The following DIP2B variants were observed in gnomAD, a reference collection of about 807,000 sequenced individuals.
DIP2B encodes DIP2 acetate--CoA ligase B (putative), also known as disco-interacting protein 2 homolog B.
In DIP2B, 76 loss-of-function variants were observed where a neutral mutation model predicts 198.0. The observed-to-expected ratio is 0.38, with a 90% CI of 0.32 to 0.46. The LOEUF is 0.46. Ranked by LOEUF, DIP2B falls within the 20% of genes least tolerant of loss-of-function variation. The pLI is 0.99. For missense variants in DIP2B, 1,559 were observed against 1,978.4 expected (o/e 0.79, Z 4.02); for synonymous variants, 701 against 739.1 (o/e 0.95, Z 0.84).
chr12:50,682,531 A>G (rs1158713749), intron 9 of DIP2B, among the ~76,000 whole-genome samples: 1 of 144,818 alleles, frequency 6.9e-6, no homozygotes, highest in South Asian at 2.3e-4. Context: ...CGGGAGGCTG[A>G]GGCAGGAGAA....
chr12:50,583,301 G>GTT (rs140411549), intron 1 of DIP2B, among the ~76,000 whole-genome samples: 13 of 148,108 alleles, frequency 8.8e-5, no homozygotes, highest in East Asian at 3.9e-4. Flanking sequence ...ACATCTACAC[G>GTT]TTTTTTTTTT....
intron 1 of DIP2B, among the ~76,000 whole-genome samples, chr12:50,570,556 C>T (rs1010146538): frequency 3.3e-5 from 5 of 152,034 alleles, no homozygotes; most frequent in Admixed American, 6.6e-5. Context: ...ATTAAAAATG[C>T]AAAATTAGCC....
intron 1 of DIP2B, among the ~76,000 whole-genome samples, chr12:50,591,631 T>TC (rs1177702164): frequency 6.6e-6 from 1 of 151,530 alleles, no homozygotes; most frequent in East Asian, 1.9e-4. Context: ...TTTCTTTCTT[T>TC]TTTTTTTTAA....
intron 12 of DIP2B, among the ~76,000 whole-genome samples, chr12:50,688,306 G>A (rs184145465): frequency 6.6e-6 from 1 of 152,262 alleles, no homozygotes; most frequent in Admixed American, 6.5e-5. Context: ...GGTATTATTG[G>A]ATGCCAGGAT....
At chr12:50,694,637 T>C (rs1364681892) in intron 14 of DIP2B, among the ~76,000 whole-genome samples, 6 of 145,462 alleles carry the variant, frequency 4.1e-5, no homozygotes, top group Non-Finnish European at 5.9e-5. Context: ...CTGGGCAACA[T>C]AGTGAAACCC....
At chr12:50,538,032 T>C (rs1362411588) in intron 1 of DIP2B, among the ~76,000 whole-genome samples, 1 of 152,184 alleles carries the variant, frequency 6.6e-6, no homozygotes, top group Non-Finnish European at 1.5e-5. Context: ...AGTACTTATT[T>C]ATTTTACTTT....
In DIP2B at chr12:50,736,160, A is replaced by G. The variant is rs150399306; in HGVS notation, c.4102-876A>G. Among the ~76,000 whole-genome samples, 374 of 152,278 alleles carry G rather than the reference A, an allele frequency of 2.5e-3. 1 individual carries two copies. The highest frequency in any genetic ancestry group is 8.6e-3 in the African/African-American group (359 of 41,574). On this transcript the variant is annotated intron_variant, in intron 34 of 37. Coordinates refer to ENST00000301180, the MANE Select transcript of DIP2B (RefSeq NM_173602.3). Reference sequence around the variant, plus strand: ...AACCTACTTGGTGGTGTATCACCCCATGGGGCGCTTACTCCAGTCTCACTT... The same window carrying G: ...AACCTACTTGGTGGTGTATCACCCCGTGGGGCGCTTACTCCAGTCTCACTT...
At chr12:50,713,609 G>A (rs2139576074) in intron 22 of DIP2B, among the ~76,000 whole-genome samples, 1 of 152,296 alleles carries the variant, frequency 6.6e-6, no homozygotes, top group South Asian at 2.1e-4. Flanking sequence ...GTTTTTCAGA[G>A]GAGATGCATG....
intron 1 of DIP2B, among the ~76,000 whole-genome samples, chr12:50,574,732 C>A (rs1380262104): frequency 6.6e-6 from 1 of 152,228 alleles, no homozygotes; most frequent in African/African-American, 2.4e-5. Flanking sequence ...ACTTCGTTCC[C>A]TCTTCCATGC....
chr12:50,643,405 C>CTGTGTGTGTGTGTG (rs57483938), intron 3 of DIP2B, among the ~76,000 whole-genome samples: 48 of 131,186 alleles, frequency 3.7e-4, no homozygotes, highest in Non-Finnish European at 6.3e-4. Flanking sequence ...GGGAGTTTTT[C>CTGTGTGTGTGTGTG]TGTGTGTGTG....
At chr12:50,611,136 TAAAG>T (rs1481415485) in intron 1 of DIP2B, among the ~76,000 whole-genome samples, 1 of 151,766 alleles carries the variant, frequency 6.6e-6, no homozygotes, top group African/African-American at 2.4e-5. Context: ...ACACACAAAT[TAAAG>T]AGAGAAAGGA....
intron 17 of DIP2B, 114 bp downstream of exon 17, chr12:50,697,289 C>T (rs1939329961): frequency 2.2e-6 from 2 of 908,134 alleles, no homozygotes; most frequent in East Asian, 2.9e-5. Flanking sequence ...CAGTTTCAAG[C>T]ATCTCATTTT....
chr12:50,682,287 T>C (rs1442445498), intron 9 of DIP2B, among the ~76,000 whole-genome samples: 1 of 152,164 alleles, frequency 6.6e-6, no homozygotes, highest in Admixed American at 6.5e-5. Flanking sequence ...CTAGAACATT[T>C]GCATTGTTGG....
rs540568578 is a variant in DIP2B at position 50,524,275 on chromosome 12, C to G, written c.100+19035C>G. ...CCTGGTGGTGTCCCAGCTTTCTTCTCTCTAACCCATTTTCCACATAGCAGG... is the reference window on the plus strand; with the variant it reads ...CCTGGTGGTGTCCCAGCTTTCTTCTGTCTAACCCATTTTCCACATAGCAGG... On this transcript the variant is annotated intron_variant, in intron 1 of 37. Transcript: ENST00000301180. 3.3e-5 allele frequency among the ~76,000 whole-genome samples: 5 copies of G among 152,340 alleles called. No individual in the cohort carries two copies. The South Asian group carries it at 1.0e-3, about 32-fold the overall frequency.
Position 50,671,156 on chromosome 12 carries a change from G to A in DIP2B, c.428-30G>A, listed in dbSNP as rs753589106. ...AAAAGTCTCTGTTCTAGGTAGGATC[G>A]AGAACTTCTTTTTTTCTAATTCCAC... On this transcript the variant is annotated intron_variant, in intron 4 of 37. Coordinates refer to ENST00000301180, the MANE Select transcript of DIP2B (RefSeq NM_173602.3). 9 of 1,608,566 alleles carry A rather than the reference G, an allele frequency of 5.6e-6. No individual in the cohort carries two copies. In the South Asian group the frequency reaches 8.8e-5, roughly 16 times the overall value.
At chr12:50,702,620 G>A (rs1028387201) in intron 19 of DIP2B, among the ~76,000 whole-genome samples, 3 of 151,178 alleles carry the variant, frequency 2.0e-5, no homozygotes, top group African/African-American at 7.3e-5. Context: ...CTATTCTGGA[G>A]TGTGACACGG....
chr12:50,595,373 T>C (rs959404306), intron 1 of DIP2B, among the ~76,000 whole-genome samples: 15 of 152,308 alleles, frequency 9.8e-5, no homozygotes, highest in African/African-American at 3.6e-4. Context: ...GAGCAATGGC[T>C]CCCGATCACA....
At chr12:50,570,493 T>G (rs1191126001) in intron 1 of DIP2B, among the ~76,000 whole-genome samples, 1 of 152,160 alleles carries the variant, frequency 6.6e-6, no homozygotes, top group Non-Finnish European at 1.5e-5. Flanking sequence ...GGCGGATCAC[T>G]TGCGGTCAGG....
At position 50,708,502 on chromosome 12, in the gene DIP2B, G is replaced by A. The variant is rs756477912; in HGVS notation, c.2589G>A (p.Ala863=). Residue 863 remains alanine, a synonymous_variant, in exon 22 of 38, where the codon GCG becomes GCA. Coordinates refer to ENST00000301180, the MANE Select transcript of DIP2B (RefSeq NM_173602.3). Reference sequence around the variant, plus strand: ...ATGATGAGCGCATTGTGGTGGTTGCGGAACAAAGACCTGATGCTTCTGAGG... The same window carrying A: ...ATGATGAGCGCATTGTGGTGGTTGCAGAACAAAGACCTGATGCTTCTGAGG... ...VFYDERIVVV[A]EQRPDASEED... is the part of the protein sequence containing the mutation. 27 of 1,608,246 alleles carry A rather than the reference G, an allele frequency of 1.7e-5. No individual in the cohort carries two copies. The highest frequency in any genetic ancestry group is 8.9e-5 in the South Asian group (8 of 89,746).
Sources: gnomAD v4.1 joint callset for allele counts (sites outside exome capture counted in the v4.1 genomes callset) on GRCh38, gnomAD v4.1.1 for gene constraint, MANE v1.5 for transcripts, NCBI Gene and HGNC (gene_info 2026-07-23, HGNC 2026-07-21) for gene names.